CNTN5: variants seen among roughly 807,000 people sequenced by gnomAD.
The protein encoded by CNTN5 is contactin-5.
Under a neutral mutation model 129.1 loss-of-function variants are expected in CNTN5, and 77 were observed. That is an observed-to-expected ratio of 0.60 (90% CI 0.50 to 0.72). The LOEUF (loss-of-function observed/expected upper bound fraction) is 0.72. Among genes scored for constraint, CNTN5 ranks in the 30% least tolerant of loss-of-function variants. The pLI is 0.00. For synonymous variants in CNTN5, 509 were observed against 465.6 expected (o/e 1.09, Z -1.20); for missense variants, 1,478 against 1,328.8 (o/e 1.11, Z -1.75).
chr11:99,744,411 A>G (rs1943979845), intron 3 of CNTN5, among the ~76,000 whole-genome samples: 1 of 151,822 alleles, frequency 6.6e-6, no homozygotes, highest in South Asian at 2.1e-4. Context: ...CCCACTAAAC[A>G]ATGTTGGGAC....
chr11:100,219,540 T>C (rs1056986841), intron 15 of CNTN5, among the ~76,000 whole-genome samples: 4 of 152,216 alleles, frequency 2.6e-5, no homozygotes, highest in Non-Finnish European at 4.4e-5. Flanking sequence ...GAACTTCCCA[T>C]TTACCTTGTG....
intron 3 of CNTN5, among the ~76,000 whole-genome samples, chr11:99,578,125 A>T (rs1215247253): frequency 6.6e-6 from 1 of 151,858 alleles, no homozygotes; most frequent in Non-Finnish European, 1.5e-5. Context: ...GATGGTTTCC[A>T]GTTTCATCCA....
At chr11:99,078,805 A>G (rs1216941729) in intron 1 of CNTN5, among the ~76,000 whole-genome samples, 1 of 152,062 alleles carries the variant, frequency 6.6e-6, no homozygotes, top group African/African-American at 2.4e-5. Context: ...AGGGAGTGAA[A>G]TGGGGAGGGG....
intron 1 of CNTN5, among the ~76,000 whole-genome samples, chr11:99,084,151 T>A (rs2135293075): frequency 6.6e-6 from 1 of 152,330 alleles, no homozygotes; most frequent in South Asian, 2.1e-4. Flanking sequence ...CTGTTCCCCA[T>A]ATATGCTTGT....
At chr11:99,035,658 G>A (rs149242566) in intron 1 of CNTN5, among the ~76,000 whole-genome samples, 28,519 of 150,598 alleles carry the variant, frequency 0.19, 2,812 homozygotes, top group East Asian at 0.33. Context: ...TTGAGCCTAT[G>A]TGTGTCTCTG....
intron 15 of CNTN5, among the ~76,000 whole-genome samples, chr11:100,220,872 C>A (rs1025856963): frequency 1.3e-5 from 2 of 152,030 alleles, no homozygotes; most frequent in African/African-American, 4.8e-5. Flanking sequence ...TTCTCTTTTC[C>A]TAACTTACTA....
chr11:99,145,387 T>TC (rs397764655), intron 1 of CNTN5, among the ~76,000 whole-genome samples: 90 of 151,614 alleles, frequency 5.9e-4, no homozygotes, highest in African/African-American at 2.1e-3. Context: ...CTTTTTTTTT[T>TC]CTGTAGATGT....
intron 13 of CNTN5, among the ~76,000 whole-genome samples, chr11:100,150,532 A>AATCTAT (rs201597192): frequency 2.6e-5 from 4 of 151,976 alleles, no homozygotes; most frequent in Admixed American, 2.6e-4. Flanking sequence ...CAGTTAATCT[A>AATCTAT]TAAATATTTC....
At chr11:99,703,338 G>A (rs1954609516) in intron 3 of CNTN5, among the ~76,000 whole-genome samples, 1 of 148,164 alleles carries the variant, frequency 6.7e-6, no homozygotes. Context: ...GTTTTGTTAA[G>A]TTTCTTTCAC....
At chr11:100,028,814 G>A (rs1048626623) in intron 9 of CNTN5, among the ~76,000 whole-genome samples, 1 of 152,112 alleles carries the variant, frequency 6.6e-6, no homozygotes, top group African/African-American at 2.4e-5. Flanking sequence ...GGAATAATTT[G>A]TTAGTTCTAT....
chr11:100,317,952 T>G (rs1453980343), intron 21 of CNTN5, among the ~76,000 whole-genome samples: 11 of 152,044 alleles, frequency 7.2e-5, no homozygotes, highest in African/African-American at 2.7e-4. Context: ...TATTTAGAAG[T>G]ATTTCTCGGC....
chr11:99,578,126 G>C (rs1257127452), intron 3 of CNTN5, among the ~76,000 whole-genome samples: 2 of 151,810 alleles, frequency 1.3e-5, no homozygotes, highest in East Asian at 1.9e-4. Flanking sequence ...ATGGTTTCCA[G>C]TTTCATCCAT....
rs1214500939 is a variant in CNTN5, at chr11:100,357,683, A to ATAATTGGTTTTAT, written c.*1463_*1464insTAATTGGTTTTAT. On this transcript the variant is annotated 3_prime_UTR_variant, in exon 25 of 25. Coordinates refer to ENST00000524871, the MANE Select transcript of CNTN5 (RefSeq NM_014361.4). ...TTGGTTTTATAATTTTATATAATTT[A>ATAATTGGTTTTAT]AACTTGTTAACTGTATTTGCTTCAT... 171 of 151,912 alleles carry ATAATTGGTTTTAT rather than the reference A, an allele frequency of 1.1e-3. No individual in the cohort carries two copies. The highest frequency in any genetic ancestry group is 4.0e-3 in the African/African-American group (165 of 41,524). The allele number at this position is 151,912 out of a possible 1,614,324, so 9.4% of individuals were successfully genotyped here. A position where few individuals can be genotyped will look rare whatever the true frequency, so the allele number is the denominator to read the frequency against.
chr11:99,907,513 T>G (rs1414291201), intron 6 of CNTN5, among the ~76,000 whole-genome samples: 1 of 151,870 alleles, frequency 6.6e-6, no homozygotes, highest in African/African-American at 2.4e-5. Flanking sequence ...CTTAGAATAA[T>G]CCCCTTTATT....
chr11:100,249,227 T>C (rs902216845), intron 16 of CNTN5, among the ~76,000 whole-genome samples: 3 of 152,212 alleles, frequency 2.0e-5, no homozygotes, highest in African/African-American at 7.2e-5. Flanking sequence ...CACATATACA[T>C]TTTATTCACT....
At chr11:99,644,872 C>A (rs1196787304) in intron 3 of CNTN5, among the ~76,000 whole-genome samples, 1 of 151,962 alleles carries the variant, frequency 6.6e-6, no homozygotes, top group African/African-American at 2.4e-5. Context: ...ATAAATACAG[C>A]TTTAGATTCT....
chr11:99,897,070 C>A (rs556495933), intron 6 of CNTN5, among the ~76,000 whole-genome samples: 1 of 151,808 alleles, frequency 6.6e-6, no homozygotes, highest in East Asian at 1.9e-4. Context: ...AACTTCAATG[C>A]GTAAAAACTG....
chr11:99,912,815 T>G (rs956908465), intron 6 of CNTN5, among the ~76,000 whole-genome samples: 1 of 152,064 alleles, frequency 6.6e-6, no homozygotes, highest in South Asian at 2.1e-4. Flanking sequence ...ATCACAAAAT[T>G]TCTCATCTTG....
chr11:99,771,848 G>C (rs1021793822), intron 3 of CNTN5, among the ~76,000 whole-genome samples: 1 of 151,934 alleles, frequency 6.6e-6, no homozygotes, highest in Non-Finnish European at 1.5e-5. Flanking sequence ...ACATTGAGTA[G>C]CTTCCTTTAT....
Sources: gnomAD v4.1 joint callset for allele counts (sites outside exome capture counted in the v4.1 genomes callset) on GRCh38, gnomAD v4.1.1 for gene constraint, MANE v1.5 for transcripts, NCBI Gene and HGNC (gene_info 2026-07-23, HGNC 2026-07-21) for gene names.